Variants in RNF169 observed in about 807,000 individuals in gnomAD.
RNF169 encodes the protein E3 ubiquitin-protein ligase RNF169.
In RNF169, 24 loss-of-function variants were observed where a neutral mutation model predicts 53.9. The observed-to-expected ratio is 0.45, with a 90% confidence interval of 0.32 to 0.63. The LOEUF is 0.63. Ranked by LOEUF, RNF169 falls within the 20% of genes least tolerant of loss-of-function variation. The pLI is 0.04. For synonymous variants in RNF169, 396 were observed against 363.5 expected (o/e 1.09, Z -1.02); for missense variants, 883 against 906.2 (o/e 0.97, Z 0.33).
chr11:74,794,439 AT>A (rs1397943083), intron 2 of RNF169, among the ~76,000 whole-genome samples: 1 of 152,208 alleles, frequency 6.6e-6, no homozygotes, highest in Admixed American at 6.5e-5. Context: ...GGAAACTTTG[AT>A]GGTGAAAATT....
chr11:74,777,716 A>G (rs2035357223), intron 1 of RNF169, among the ~76,000 whole-genome samples: 1 of 151,960 alleles, frequency 6.6e-6, no homozygotes, highest in Admixed American at 6.6e-5. Context: ...GGCACAATCA[A>G]GGCTCACTGC....
intron 1 of RNF169, among the ~76,000 whole-genome samples, chr11:74,749,663 AG>A (rs1447471173): frequency 6.6e-6 from 1 of 152,180 alleles, no homozygotes; most frequent in East Asian, 1.9e-4. Context: ...AGTTAGGGGC[AG>A]GTTGGAATTG....
At chr11:74,789,737 A>G (rs775580857) in intron 2 of RNF169, 38 bp downstream of exon 2, 1 of 1,322,494 alleles carries the variant, frequency 7.6e-7, no homozygotes, top group East Asian at 2.3e-5. Flanking sequence ...CTTAAAGTAG[A>G]TTGAAATAAT....
chr11:74,785,393 A>G (rs2035485653), intron 1 of RNF169, among the ~76,000 whole-genome samples: 1 of 149,398 alleles, frequency 6.7e-6, no homozygotes, highest in Non-Finnish European at 1.5e-5. Flanking sequence ...CGCTTAATTG[A>G]CAGAGCAGGT....
intron 3 of RNF169, among the ~76,000 whole-genome samples, chr11:74,816,505 C>A (rs2035943477): frequency 6.6e-6 from 1 of 152,082 alleles, no homozygotes; most frequent in Non-Finnish European, 1.5e-5. Context: ...ATTGGAAAGA[C>A]TCTAAAAAGG....
chr11:74,771,850 C>T (rs1444491485), intron 1 of RNF169, among the ~76,000 whole-genome samples: 2 of 152,092 alleles, frequency 1.3e-5, no homozygotes, highest in African/African-American at 2.4e-5. Context: ...GCCAGGGGTT[C>T]GAGACCAGCT....
chr11:74,756,034 G>C (rs999915520), intron 1 of RNF169, among the ~76,000 whole-genome samples: 9 of 152,150 alleles, frequency 5.9e-5, no homozygotes, highest in African/African-American at 1.4e-4. Flanking sequence ...GGAGTCGTTA[G>C]GGGACTGTTT....
intron 1 of RNF169, among the ~76,000 whole-genome samples, chr11:74,756,731 T>C (rs1191247674): frequency 1.3e-5 from 2 of 152,116 alleles, no homozygotes; most frequent in Non-Finnish European, 2.9e-5. Context: ...GGTTAGAGTA[T>C]AGAGTGCATG....
At chr11:74,759,980 A>G (rs1190332914) in intron 1 of RNF169, among the ~76,000 whole-genome samples, 2 of 151,210 alleles carry the variant, frequency 1.3e-5, no homozygotes, top group South Asian at 4.2e-4. Context: ...TATTGCCACA[A>G]TTTCAGCTCC....
chr11:74,793,208 G>A (rs890562079), intron 2 of RNF169, among the ~76,000 whole-genome samples: 3 of 152,190 alleles, frequency 2.0e-5, no homozygotes, highest in African/African-American at 4.8e-5. Context: ...ATTAGTGGTC[G>A]ATTGGGATAG....
At chr11:74,772,509 G>A (rs1437579447) in intron 1 of RNF169, among the ~76,000 whole-genome samples, 4 of 141,656 alleles carry the variant, frequency 2.8e-5, no homozygotes, top group African/African-American at 1.0e-4. Context: ...TATGTATTGA[G>A]CTGTGCTGGG....
intron 3 of RNF169, among the ~76,000 whole-genome samples, chr11:74,814,213 TTGGGAGGC>T (rs1194375145): frequency 1.1e-4 from 16 of 151,736 alleles, no homozygotes; most frequent in Middle Eastern, 3.4e-3. Context: ...TCCCAGTTAC[TTGGGAGGC>T]TGGGAGGCTG....
At chr11:74,794,701 GAAATTA>G (rs1565179063) in intron 2 of RNF169, among the ~76,000 whole-genome samples, 1 of 152,182 alleles carries the variant, frequency 6.6e-6, no homozygotes, top group African/African-American at 2.4e-5. Context: ...TAGTTGGAGA[GAAATTA>G]AAATTTAAGT....
intron 2 of RNF169, among the ~76,000 whole-genome samples, chr11:74,796,815 G>A (rs1006884837): frequency 6.6e-6 from 1 of 152,242 alleles, no homozygotes; most frequent in Middle Eastern, 3.4e-3. Context: ...TTGGTTTCTC[G>A]ACCTATCCAT....
chr11:74,826,806 C>T (rs912435588), intron 4 of RNF169, among the ~76,000 whole-genome samples: 2 of 152,262 alleles, frequency 1.3e-5, no homozygotes, highest in Admixed American at 1.3e-4. Flanking sequence ...GACTCCATGT[C>T]TCACATTCAG....
At chr11:74,769,808 T>G (rs966154788) in intron 1 of RNF169, among the ~76,000 whole-genome samples, 20 of 152,330 alleles carry the variant, frequency 1.3e-4, no homozygotes, top group African/African-American at 4.6e-4. Context: ...ACTCTCCTTG[T>G]ACCCCCCAAC....
In RNF169 at chr11:74,773,260, A is replaced by T. The variant is rs148885934; in HGVS notation, c.503-16366A>T. Among the ~76,000 whole-genome samples, 860 of 152,188 alleles carry T rather than the reference A, an allele frequency of 5.7e-3. 8 individuals carry two copies. The highest frequency in any genetic ancestry group is 0.02 in the African/African-American group (811 of 41,496). On this transcript the variant is annotated intron_variant, in intron 1 of 5. Coordinates refer to ENST00000299563, the MANE Select transcript of RNF169 (RefSeq NM_001098638.2). Reference sequence around the variant, plus strand: ...TAGGTTCATAAATATTTGTGCGATAAATGACTTTATTGTAGCCTCAATTCA... The same window carrying T: ...TAGGTTCATAAATATTTGTGCGATATATGACTTTATTGTAGCCTCAATTCA...
At position 74,758,504 on chromosome 11, in the gene RNF169, A is replaced by AC. The variant is rs2035021726; in HGVS notation, c.502+9123dup. ...CGGGCTCTTTTTTGGTTCCATATGA[A>AC]CTTTTTTTTTTTTTTGAGACGGAGT... On this transcript the variant is annotated intron_variant, in intron 1 of 5. Coordinates refer to ENST00000299563, the MANE Select transcript of RNF169 (RefSeq NM_001098638.2). 5.4e-5 allele frequency among the ~76,000 whole-genome samples: 8 copies of AC among 148,306 alleles called. No individual in the cohort carries two copies. In the South Asian group the frequency reaches 1.7e-3, roughly 32 times the overall value.
intron 4 of RNF169, among the ~76,000 whole-genome samples, chr11:74,820,720 G>T (rs1028434562): frequency 2.0e-5 from 3 of 152,212 alleles, no homozygotes; most frequent in African/African-American, 7.2e-5. Flanking sequence ...GCTGGAAAAG[G>T]AAGATAGCTT....
Sources: gnomAD v4.1 joint callset for allele counts (sites outside exome capture counted in the v4.1 genomes callset) on GRCh38, gnomAD v4.1.1 for gene constraint, MANE v1.5 for transcripts, NCBI Gene and HGNC (gene_info 2026-07-23, HGNC 2026-07-21) for gene names.